Variants in SESN1 observed in about 807,000 individuals in gnomAD.
SESN1 encodes sestrin-1.
A neutral mutation model predicts 59.3 loss-of-function variants in SESN1; 30 were observed. That is an observed-to-expected ratio of 0.51 (90% CI 0.38 to 0.69). SESN1 has a LOEUF of 0.69. SESN1 is among the 30% of genes least tolerant of loss of function. SESN1 has a pLI of 0.00. For synonymous variants in SESN1, 197 were observed against 219.9 expected (o/e 0.90, Z 0.92); for missense variants, 566 against 673.0 (o/e 0.84, Z 1.76).
At chr6:109,060,217 T>A (rs1172113784) in intron 1 of SESN1, among the ~76,000 whole-genome samples, 1 of 152,192 alleles carries the variant, frequency 6.6e-6, no homozygotes, top group Non-Finnish European at 1.5e-5. Flanking sequence ...AAGGATAATT[T>A]GTTGAGTTTT....
chr6:109,073,481 A>G (rs551569483), intron 1 of SESN1, among the ~76,000 whole-genome samples: 1 of 152,300 alleles, frequency 6.6e-6, no homozygotes, highest in South Asian at 2.1e-4. Flanking sequence ...GTGTTGTGAC[A>G]TTGCAAACCC....
chr6:109,004,438 C>CT (rs776158699), intron 1 of SESN1, among the ~76,000 whole-genome samples: 3,274 of 142,626 alleles, frequency 0.023, 41 homozygotes, highest in African/African-American at 0.037. Flanking sequence ...CCCCAACAAT[C>CT]TTTTTTTTTT....
intron 8 of SESN1, among the ~76,000 whole-genome samples, chr6:108,989,722 C>T (rs1387766979): frequency 2.0e-5 from 3 of 152,082 alleles, no homozygotes; most frequent in Non-Finnish European, 4.4e-5. Flanking sequence ...AAGGCAGGGG[C>T]TGCGAGGAGA....
chr6:109,068,550 G>A (rs1053995635), intron 1 of SESN1, among the ~76,000 whole-genome samples: 15 of 151,794 alleles, frequency 9.9e-5, no homozygotes, highest in African/African-American at 3.6e-4. Context: ...TTAAGATGAA[G>A]GTCTAACACT....
chr6:108,988,480 A>C, intron 9 of SESN1, 63 bp downstream of exon 9: 44 of 1,402,730 alleles, frequency 3.1e-5, no homozygotes, highest in Non-Finnish European at 4.2e-5. Context: ...CCATTAGGTT[A>C]GGTGAAGGAG....
At chr6:109,079,194 G>GACA (rs1781079791) in intron 1 of SESN1, among the ~76,000 whole-genome samples, 1 of 144,074 alleles carries the variant, frequency 6.9e-6, no homozygotes. Flanking sequence ...GTGCTAAACT[G>GACA]AAAAAAAAAA....
intron 1 of SESN1, among the ~76,000 whole-genome samples, chr6:109,077,880 A>G (rs1261509483): frequency 6.6e-6 from 1 of 152,212 alleles, no homozygotes; most frequent in East Asian, 1.9e-4. Flanking sequence ...GCCATATGGT[A>G]AGCACTCAAT....
chr6:109,039,131 AAAGAAAGAAG>A (rs1780297696), intron 1 of SESN1, among the ~76,000 whole-genome samples: 4 of 145,370 alleles, frequency 2.8e-5, no homozygotes, highest in Non-Finnish European at 4.6e-5. Context: ...GGAGAAGGAG[AAAGAAAGAAG>A]AGGAGAAGGA....
At chr6:108,998,322 T>C (rs1192134623) in intron 5 of SESN1, among the ~76,000 whole-genome samples, 191 bp downstream of exon 5, 3 of 152,174 alleles carry the variant, frequency 2.0e-5, no homozygotes, top group African/African-American at 7.2e-5. Flanking sequence ...TTGTAAAATG[T>C]TGTATATCAC....
intron 1 of SESN1, among the ~76,000 whole-genome samples, chr6:109,079,486 A>G (rs1040085560): frequency 6.6e-6 from 1 of 152,204 alleles, no homozygotes; most frequent in Non-Finnish European, 1.5e-5. Context: ...AAGGACAAAA[A>G]TGGCATTTAC....
chr6:109,014,396 C>A (rs1175494283), intron 1 of SESN1, among the ~76,000 whole-genome samples: 2 of 152,120 alleles, frequency 1.3e-5, no homozygotes, highest in African/African-American at 4.8e-5. Context: ...AAAGTATGGG[C>A]AACTTGACCA....
At chr6:109,051,181 A>G (rs915276560) in intron 1 of SESN1, among the ~76,000 whole-genome samples, 5 of 152,314 alleles carry the variant, frequency 3.3e-5, no homozygotes, top group Admixed American at 1.3e-4. Context: ...AACTCATTTC[A>G]GAAATCAGTT....
At chr6:109,024,901 G>A (rs957271977) in intron 1 of SESN1, among the ~76,000 whole-genome samples, 3 of 152,202 alleles carry the variant, frequency 2.0e-5, no homozygotes, top group African/African-American at 7.2e-5. Flanking sequence ...ACAAATTGGA[G>A]ACCTGTGTGT....
rs1779552254 is a variant in SESN1, at chr6:108,998,726, C to A, written c.759G>T (p.Trp253Cys). Residue 253 changes from tryptophan to cysteine, a missense_variant, in exon 5 of 10, where the codon TGG becomes TGT. Transcript: ENST00000436639. Reference sequence around the variant, plus strand: ...CTGCATGTACCAATTCCGCAAGGGACCAGCTGTGCTCTTCAGCTTTTAAAA... The same window carrying A: ...CTGCATGTACCAATTCCGCAAGGGAACAGCTGTGCTCTTCAGCTTTTAAAA... Reference protein sequence around the residue: ...EGLLKAEEHSWSLAELVHAVV... With the variant: ...EGLLKAEEHSCSLAELVHAVV... 10 of 1,613,008 alleles carry A rather than the reference C, an allele frequency of 6.2e-6. No homozygotes were observed. The highest frequency in any genetic ancestry group is 8.5e-6 in the Non-Finnish European group (10 of 1,179,184).
intron 1 of SESN1, among the ~76,000 whole-genome samples, chr6:109,081,140 G>A (rs963129919): frequency 3.3e-5 from 5 of 152,044 alleles, no homozygotes; most frequent in Non-Finnish European, 7.3e-5. Flanking sequence ...GGAGTGCAGT[G>A]GTGCAATCTT....
intron 1 of SESN1, among the ~76,000 whole-genome samples, chr6:109,084,410 C>T (rs1011003179): frequency 1.6e-4 from 25 of 151,950 alleles, no homozygotes; most frequent in Admixed American, 1.2e-3. Flanking sequence ...AAAATATAGC[C>T]GGGCATCGTG....
At chr6:108,998,471 T>C (rs756759665) in intron 5 of SESN1, 42 bp downstream of exon 5, 9 of 1,607,068 alleles carry the variant, frequency 5.6e-6, no homozygotes, top group Non-Finnish European at 7.7e-6. Context: ...CAGCAATTAT[T>C]GTGATTAGTT....
intron 1 of SESN1, 147 bp from the exon 2 acceptor site, chr6:109,002,490 C>G: frequency 1.6e-6 from 1 of 613,152 alleles, no homozygotes; most frequent in Non-Finnish European, 2.9e-6. Context: ...CATACCAACT[C>G]TTCTGTTAGC....
At chr6:109,052,390 T>C (rs1313514913) in intron 1 of SESN1, among the ~76,000 whole-genome samples, 4 of 152,194 alleles carry the variant, frequency 2.6e-5, no homozygotes, top group African/African-American at 9.6e-5. Flanking sequence ...CACAAAATGA[T>C]TAAAATTGAT....
Sources: gnomAD v4.1 joint callset for allele counts (sites outside exome capture counted in the v4.1 genomes callset) on GRCh38, gnomAD v4.1.1 for gene constraint, MANE v1.5 for transcripts, NCBI Gene and HGNC (gene_info 2026-07-23, HGNC 2026-07-21) for gene names.